Variants in RANBP9 observed in about 807,000 individuals in gnomAD.
The protein encoded by RANBP9 is ran-binding protein 9.
A neutral mutation model predicts 84.3 loss-of-function variants in RANBP9; 15 were observed. That is an observed-to-expected ratio of 0.18 (90% CI 0.12 to 0.27). RANBP9 has a LOEUF of 0.27. RANBP9 is among the 10% of genes least tolerant of loss of function. The pLI is 1.00. For synonymous variants in RANBP9, 392 were observed against 349.6 expected, an observed-to-expected ratio of 1.12 and a Z score of -1.35; for missense variants, 809 against 912.8, an observed-to-expected ratio of 0.89 and a Z score of 1.46.
At chr6:13,644,156 C>T (rs1242481199) in intron 6 of RANBP9, among the ~76,000 whole-genome samples, 1 of 152,120 alleles carries the variant, frequency 6.6e-6, no homozygotes, top group Non-Finnish European at 1.5e-5. Context: ...ACCACAGATC[C>T]TGATTATAAG....
At chr6:13,670,016 A>G (rs1765738115) in intron 2 of RANBP9, among the ~76,000 whole-genome samples, 2 of 152,046 alleles carry the variant, frequency 1.3e-5, no homozygotes, top group South Asian at 4.1e-4. Context: ...GAGGTCGGGC[A>G]CAGTGGCTCA....
intron 6 of RANBP9, among the ~76,000 whole-genome samples, chr6:13,643,795 C>CAA (rs1307653194): frequency 6.6e-6 from 1 of 152,022 alleles, no homozygotes; most frequent in Non-Finnish European, 1.5e-5. Context: ...CTGGGCTGGA[C>CAA]AAAAAAACTA....
intron 1 of RANBP9, among the ~76,000 whole-genome samples, chr6:13,704,465 C>T (rs1275021560): frequency 6.6e-6 from 1 of 151,654 alleles, no homozygotes; most frequent in South Asian, 2.1e-4. Flanking sequence ...CCCTTCTCTA[C>T]AAAAAAATAC....
intron 4 of RANBP9, among the ~76,000 whole-genome samples, chr6:13,653,011 T>C (rs962524182): frequency 6.6e-6 from 1 of 152,136 alleles, no homozygotes; most frequent in Non-Finnish European, 1.5e-5. Context: ...GGTTGCAAAA[T>C]AGTCAGTTTA....
At chr6:13,684,825 G>A (rs1246756228) in intron 2 of RANBP9, among the ~76,000 whole-genome samples, 2 of 152,218 alleles carry the variant, frequency 1.3e-5, no homozygotes, top group Non-Finnish European at 2.9e-5. Flanking sequence ...TAACAGAGGA[G>A]CCTCATCTTG....
chr6:13,642,048 C>A lies in RANBP9; in HGVS notation c.1225+431G>T, dbSNP rs186996112. Among the ~76,000 whole-genome samples the A allele has an allele frequency of 1.1e-3, 161 of 152,250 alleles. No individual in the cohort carries two copies. The Middle Eastern group carries it at 0.017, about 16-fold the overall frequency. On this transcript the variant is annotated intron_variant, in intron 7 of 13. Coordinates refer to ENST00000011619, the MANE Select transcript of RANBP9 (RefSeq NM_005493.3). The stretch of plus-strand genomic sequence containing the variant: ...CCTGTTTTATCTCTGGCCACAGAGG[C>A]CAGCACTAGGATCTAAATAATAAAT...
intron 12 of RANBP9, among the ~76,000 whole-genome samples, chr6:13,627,983 A>C (rs571939630): frequency 1.6e-4 from 24 of 152,348 alleles, no homozygotes; most frequent in Admixed American, 1.4e-3. Flanking sequence ...GGAAAAAAAA[A>C]TACTACTACA....
At chr6:13,701,089 C>G (rs150433154) in intron 1 of RANBP9, among the ~76,000 whole-genome samples, 1 of 152,298 alleles carries the variant, frequency 6.6e-6, no homozygotes, top group African/African-American at 2.4e-5. Flanking sequence ...TCCTCAAACT[C>G]TTTGTGTTTT....
At chr6:13,629,919 CTCGTGT>C (rs1378323053) in intron 12 of RANBP9, among the ~76,000 whole-genome samples, 3,677 of 129,970 alleles carry the variant, frequency 0.028, 56 homozygotes, top group Non-Finnish European at 0.032. Context: ...CTCTCTCTCT[CTCGTGT>C]GTGTGTGTGT....
rs150173673 is a variant in RANBP9 at position 13,681,886 on chromosome 6, A to T, written c.683+14899T>A. 6.7e-3 allele frequency among the ~76,000 whole-genome samples: 1,019 copies of T among 151,916 alleles called. 9 individuals carry two copies. Among genetic ancestry groups the T allele is most frequent in the African/African-American group, 0.022 (906 of 41,448 alleles). On this transcript the variant is annotated intron_variant, in intron 2 of 13. Coordinates refer to ENST00000011619, the MANE Select transcript of RANBP9 (RefSeq NM_005493.3). ...TTCTTTCCTTTTTTTTTTGAGAGAGAGTCGTGCTGTCACCCAGGCCAGAGT... is the reference window on the plus strand; with the variant it reads ...TTCTTTCCTTTTTTTTTTGAGAGAGTGTCGTGCTGTCACCCAGGCCAGAGT...
intron 2 of RANBP9, among the ~76,000 whole-genome samples, chr6:13,661,115 G>A (rs1297483776): frequency 6.6e-6 from 1 of 152,198 alleles, no homozygotes; most frequent in Non-Finnish European, 1.5e-5. Context: ...TTGAAAGGAA[G>A]CTAAGAATAT....
Position 13,634,491 on chromosome 6 carries a change from C to G in RANBP9, c.1735G>C (p.Gly579Arg), listed in dbSNP as rs772232506. 29 of 1,613,374 alleles carry G rather than the reference C, an allele frequency of 1.8e-5. 1 individual carries two copies. In the South Asian group the frequency reaches 3.0e-4, roughly 16 times the overall value. The part of the protein sequence containing the change: ...SNGVGETSSN[G>R]FLNGSSKHDH... ...TGTTTAGAGCTACCATTTAGGAAAC[C>G]ATTGGATGAAGTTTCTCCAACTCCA... Residue 579 changes from glycine (G) to arginine (R), a missense_variant, in exon 11 of 14, where the codon GGT becomes CGT. This residue lies in a region of RANBP9 where 233 missense variants were observed against 234.4 expected (regional missense o/e 0.99). Coordinates refer to ENST00000011619, the MANE Select transcript of RANBP9 (RefSeq NM_005493.3).
rs143440899 is a variant in RANBP9, at chr6:13,667,452, GC to G, written c.684-8621del. ...AGTATATGTATCACATGCTGGCAAT[GC>G]AAGAAACACTTTTAAAAACCTATTT... On this transcript the variant is annotated intron_variant, in intron 2 of 13. Transcript: ENST00000011619. Among the ~76,000 whole-genome samples, 86 of 152,236 alleles carry G rather than the reference GC, an allele frequency of 5.6e-4. No individual in the cohort carries two copies. In the East Asian group the frequency reaches 0.013, roughly 23 times the overall value.
At chr6:13,705,238 T>A (rs1180581336) in intron 1 of RANBP9, among the ~76,000 whole-genome samples, 1 of 151,526 alleles carries the variant, frequency 6.6e-6, no homozygotes, top group East Asian at 1.9e-4. Context: ...ACCCCATCGC[T>A]ACTAAATATA....
chr6:13,644,764 AT>A, intron 5 of RANBP9, 35 bp from the exon 6 acceptor site: 1 of 1,417,838 alleles, frequency 7.1e-7, no homozygotes, highest in Non-Finnish European at 9.5e-7. Context: ...ACATCTATCC[AT>A]TTTATGTTAG....
At chr6:13,636,430 G>A (rs947366056) in intron 10 of RANBP9, among the ~76,000 whole-genome samples, 2 of 152,162 alleles carry the variant, frequency 1.3e-5, no homozygotes, top group African/African-American at 4.8e-5. Flanking sequence ...GCAGACAAAG[G>A]AGGATGTTGT....
intron 1 of RANBP9, among the ~76,000 whole-genome samples, chr6:13,706,336 T>C (rs1561698719): frequency 1.3e-5 from 2 of 148,324 alleles, no homozygotes; most frequent in Non-Finnish European, 3.0e-5. Context: ...AGAGCAAGAC[T>C]CGGTCTCAAA....
At chr6:13,689,480 G>T (rs1272043937) in intron 2 of RANBP9, among the ~76,000 whole-genome samples, 1 of 151,838 alleles carries the variant, frequency 6.6e-6, no homozygotes, top group African/African-American at 2.4e-5. Context: ...CTATATGTTG[G>T]TCAGGCTAGT....
At chr6:13,648,141 GTTTTTTTTTTT>G (rs375219477) in intron 5 of RANBP9, among the ~76,000 whole-genome samples, 232 of 80,684 alleles carry the variant, frequency 2.9e-3, no homozygotes, top group African/African-American at 0.01. Context: ...TATATGACTG[GTTTTTTTTTTT>G]TTTTTTTTTT....
Sources: gnomAD v4.1 joint callset for allele counts (sites outside exome capture counted in the v4.1 genomes callset) on GRCh38, gnomAD v4.1.1 for gene constraint, gnomAD v4.1.1 regional missense constraint, MANE v1.5 for transcripts, NCBI Gene and HGNC (gene_info 2026-07-23, HGNC 2026-07-21) for gene names.